Variants in TMEM184B observed in about 807,000 individuals in gnomAD.
The protein encoded by TMEM184B is putative MAPK-activating protein FM08.
A neutral mutation model predicts 41.8 loss-of-function variants in TMEM184B; 17 were observed. The ratio of observed to expected loss-of-function variants is 0.41; its 90% CI spans 0.28 to 0.61. The LOEUF (loss-of-function observed/expected upper bound fraction) is 0.61. Among genes scored for constraint, TMEM184B ranks in the 20% least tolerant of loss-of-function variants. TMEM184B has a pLI of 0.34. For missense variants in TMEM184B, 393 were observed against 557.8 expected (o/e 0.70, Z 2.98); for synonymous variants, 240 against 229.5 (o/e 1.05, Z -0.41).
At chr22:38,245,884 C>A in intron 3 of TMEM184B, 51 bp downstream of exon 3, 34 of 936,200 alleles carry the variant, frequency 3.6e-5, no homozygotes, top group East Asian at 6.0e-5. Flanking sequence ...GACAGGGGCT[C>A]CCAGCCCCCC....
intron 1 of TMEM184B, among the ~76,000 whole-genome samples, chr22:38,261,880 T>A (rs943891528): frequency 6.6e-6 from 1 of 152,250 alleles, no homozygotes; most frequent in Non-Finnish European, 1.5e-5. Flanking sequence ...AGATTTCTCA[T>A]ACCAACCTGA....
intron 1 of TMEM184B, among the ~76,000 whole-genome samples, chr22:38,266,899 C>T (rs773440724): frequency 2.6e-5 from 4 of 152,026 alleles, no homozygotes; most frequent in South Asian, 2.1e-4. Context: ...CTGGCTAACA[C>T]GGTGAAATCC....
At chr22:38,245,547 C>T (rs34361027) in intron 3 of TMEM184B, among the ~76,000 whole-genome samples, 2 of 140,494 alleles carry the variant, frequency 1.4e-5, no homozygotes, top group African/African-American at 5.4e-5. Flanking sequence ...AGGGGGAGGG[C>T]CCTTGCTTCC....
chr22:38,232,309 TGGCACA>T (rs1363990968), intron 3 of TMEM184B: 1 of 152,124 alleles, frequency 6.6e-6, no homozygotes, highest in African/African-American at 2.4e-5. Context: ...CCGGGAGTGA[TGGCACA>T]GCAAGTCTGC....
At chr22:38,233,497 A>G (rs2091689420) in intron 3 of TMEM184B, among the ~76,000 whole-genome samples, 1 of 152,218 alleles carries the variant, frequency 6.6e-6, no homozygotes, top group African/African-American at 2.4e-5. Flanking sequence ...AGGAGCCCCT[A>G]GACAGGGCTG....
In TMEM184B at chr22:38,219,970, G is replaced by A; in HGVS notation, c.*1499C>T. On this transcript the variant is annotated 3_prime_UTR_variant, in exon 9 of 9. Transcript: ENST00000361906. ...ACTCTCCTCACAGGTGGCAGGGAGGGAACCTGTTCATTCCAGGAAGGACCA... is the reference window on the plus strand; with the variant it reads ...ACTCTCCTCACAGGTGGCAGGGAGGAAACCTGTTCATTCCAGGAAGGACCA... 1.0e-6 allele frequency: 1 copy of A among 985,482 alleles called. No homozygotes were observed. Among genetic ancestry groups the A allele is most frequent in the South Asian group, 4.7e-5 (1 of 21,288 alleles). The allele number at this position is 985,482 out of a possible 1,614,324, so 61.0% of individuals were successfully genotyped here.
chr22:38,251,769 T>C (rs947651459), intron 1 of TMEM184B, among the ~76,000 whole-genome samples: 18 of 152,150 alleles, frequency 1.2e-4, no homozygotes, highest in Admixed American at 2.0e-4. Context: ...GTGCAGCCTC[T>C]TTACTCCCGT....
downstream of TMEM184B, among the ~76,000 whole-genome samples, chr22:38,217,142 C>T (rs552104108): frequency 6.6e-6 from 1 of 151,240 alleles, no homozygotes; most frequent in Admixed American, 6.6e-5. Flanking sequence ...GCCTGACCAA[C>T]ATGGTGAAAC....
intron 4 of TMEM184B, 49 bp downstream of exon 4, chr22:38,231,195 G>A (rs932603476): frequency 2.6e-6 from 4 of 1,532,208 alleles, no homozygotes; most frequent in Non-Finnish European, 3.6e-6. Flanking sequence ...AGGTACACCA[G>A]GCCCAGGAAA....
In TMEM184B at chr22:38,251,896, G is replaced by GTTTTT. The variant is rs561046707; in HGVS notation, c.-58-3882_-58-3878dup. ...GGCAGGACCAGATCCAGATGATGCT[G>GTTTTT]TTTTTTTTTTTTTTTGAGACAAGAG... is the stretch of plus-strand genomic sequence containing the variant. On this transcript the variant is annotated intron_variant, in intron 1 of 8. Coordinates refer to ENST00000361906, the MANE Select transcript of TMEM184B (RefSeq NM_012264.5). Among the ~76,000 whole-genome samples the GTTTTT allele has an allele frequency of 7.6e-3, 1,074 of 141,694 alleles. 23 individuals are homozygous for GTTTTT. The highest frequency in any genetic ancestry group is 0.027 in the African/African-American group (1,028 of 38,012). The allele number at this position is 141,694 out of a possible 152,430, so 93.0% of individuals were successfully genotyped here. A position where few individuals can be genotyped will look rare whatever the true frequency, so the allele number is the denominator to read the frequency against.
chr22:38,245,187 G>A (rs556154624), intron 3 of TMEM184B, among the ~76,000 whole-genome samples: 206 of 152,306 alleles, frequency 1.4e-3, no homozygotes, highest in Middle Eastern at 6.8e-3. Context: ...ATCCCTGGAA[G>A]GGTCCCTACC....
At chr22:38,264,984 T>C (rs1208374078) in intron 1 of TMEM184B, among the ~76,000 whole-genome samples, 2 of 152,240 alleles carry the variant, frequency 1.3e-5, no homozygotes, top group Non-Finnish European at 2.9e-5. Flanking sequence ...CTATGCATCC[T>C]GCATCTACCT....
chr22:38,272,424 C>A lies in TMEM184B; in HGVS notation c.-59+460G>T, dbSNP rs866353981. On this transcript the variant is annotated intron_variant, in intron 1 of 8. Coordinates refer to ENST00000361906, the MANE Select transcript of TMEM184B (RefSeq NM_012264.5). ...TGTACACCCTCCACTCACGACGCAGCCCCGAAAGCCCCCCGCCGACCACCC... is the reference window on the plus strand; with the variant it reads ...TGTACACCCTCCACTCACGACGCAGACCCGAAAGCCCCCCGCCGACCACCC... 16 of 971,766 alleles carry A rather than the reference C, an allele frequency of 1.6e-5. No individual in the cohort carries two copies. In the South Asian group the frequency reaches 3.3e-4, roughly 20 times the overall value. 60.2% of individuals were successfully genotyped at this position (971,766 alleles called of 1,614,324 possible).
At chr22:38,244,533 C>G (rs1372102871) in intron 3 of TMEM184B, among the ~76,000 whole-genome samples, 3 of 151,996 alleles carry the variant, frequency 2.0e-5, no homozygotes, top group African/African-American at 7.3e-5. Flanking sequence ...CTCAGCTCAC[C>G]ACAACCTCTG....
intron 1 of TMEM184B, among the ~76,000 whole-genome samples, chr22:38,261,378 G>A (rs2092366357): frequency 6.6e-6 from 1 of 152,114 alleles, no homozygotes; most frequent in African/African-American, 2.4e-5. Flanking sequence ...ACACAAACAA[G>A]CGGAGGCCAC....
intron 1 of TMEM184B, among the ~76,000 whole-genome samples, chr22:38,264,841 T>C (rs764169260): frequency 2.0e-5 from 3 of 152,264 alleles, no homozygotes; most frequent in Middle Eastern, 3.4e-3. Flanking sequence ...AAGGAAGCAT[T>C]TGAGAGAAAG....
At chr22:38,232,867 G>A (rs906526708) in intron 3 of TMEM184B, among the ~76,000 whole-genome samples, 2 of 152,148 alleles carry the variant, frequency 1.3e-5, no homozygotes, top group Non-Finnish European at 2.9e-5. Context: ...CACCCTTCCC[G>A]CTGTACTCTC....
rs1266298700 is a variant in TMEM184B at position 38,272,829 on chromosome 22, C to T, written c.-59+55G>A. On this transcript the variant is annotated intron_variant, in intron 1 of 8. Coordinates refer to ENST00000361906, the MANE Select transcript of TMEM184B (RefSeq NM_012264.5). ...TCCGAAACAAGCAGCCCCCCGCGCT[C>T]GGGAGTCGCAGCTCCCCCTTGGGGC... The T allele has an allele frequency of 7.1e-6, 7 of 983,976 alleles. No individual in the cohort carries two copies. The African/African-American group carries it at 1.2e-4, about 17-fold the overall frequency. The allele number at this position is 983,976 out of a possible 1,614,324, so 61.0% of individuals were successfully genotyped here.
intron 5 of TMEM184B, among the ~76,000 whole-genome samples, chr22:38,227,494 C>T (rs1961220702): frequency 6.6e-6 from 1 of 152,134 alleles, no homozygotes; most frequent in African/African-American, 2.4e-5. Flanking sequence ...TGAGGGCCTC[C>T]TCCCATCCTC....
Sources: gnomAD v4.1 joint callset for allele counts (sites outside exome capture counted in the v4.1 genomes callset) on GRCh38, gnomAD v4.1.1 for gene constraint, MANE v1.5 for transcripts, NCBI Gene and HGNC (gene_info 2026-07-23, HGNC 2026-07-21) for gene names.